Variants in ZBTB8OS observed in about 807,000 individuals in gnomAD.
ZBTB8OS encodes the protein tRNA-splicing ligase-activating factor archease.
In ZBTB8OS, 16 loss-of-function variants were observed where a neutral mutation model predicts 29.3. The ratio of observed to expected loss-of-function variants is 0.55; its 90% confidence interval spans 0.37 to 0.83. The LOEUF is 0.83. ZBTB8OS is among the 40% of genes least tolerant of loss of function. The pLI is 0.00. For synonymous variants in ZBTB8OS, 70 were observed against 64.6 expected (o/e 1.08, Z -0.40); for missense variants, 160 against 196.9 (o/e 0.81, Z 1.12).
chr1:32,632,289 G>C, intron 4 of ZBTB8OS: 1 of 153,174 alleles, frequency 6.5e-6, no homozygotes, highest in South Asian at 2.0e-4. Context: ...GATTACAGGC[G>C]TAAGCCACCG....
chr1:32,625,236 G>GAAT (rs970295836), intron 6 of ZBTB8OS, among the ~76,000 whole-genome samples: 3 of 144,532 alleles, frequency 2.1e-5, no homozygotes, highest in Non-Finnish European at 4.5e-5. Context: ...AAAAAAGAAA[G>GAAT]AATAATAATA....
chr1:32,625,424 C>T (rs1000476735), intron 6 of ZBTB8OS, among the ~76,000 whole-genome samples: 2 of 151,908 alleles, frequency 1.3e-5, no homozygotes, highest in Non-Finnish European at 2.9e-5. Context: ...ATCACAGCTA[C>T]TTGTGAGGCT....
intron 5 of ZBTB8OS, among the ~76,000 whole-genome samples, chr1:32,629,346 G>A (rs1645361206): frequency 6.6e-6 from 1 of 151,928 alleles, no homozygotes; most frequent in Non-Finnish European, 1.5e-5. Flanking sequence ...AGCCCAAAAG[G>A]TCATGGCTGC....
chr1:32,650,694 G>A, upstream of ZBTB8OS: 1 of 1,282,068 alleles, frequency 7.8e-7, no homozygotes, highest in Non-Finnish European at 1.1e-6. Context: ...CTGCCGCTTG[G>A]ATCGCATATT....
intron 6 of ZBTB8OS, 113 bp downstream of exon 6, chr1:32,627,395 G>T (rs1395007814): frequency 8.0e-5 from 75 of 940,868 alleles, no homozygotes; most frequent in Non-Finnish European, 6.8e-5. Flanking sequence ...AGAAGCTTGA[G>T]AAAAACTTAT....
intron 1 of ZBTB8OS, among the ~76,000 whole-genome samples, chr1:32,644,727 G>A (rs1386063709): frequency 5.2e-5 from 1 of 19,156 alleles, no homozygotes; most frequent in Non-Finnish European, 1.1e-4. Flanking sequence ...TTTTTTTTTT[G>A]TAGAGATGTG....
chr1:32,626,914 AATG>A (rs1329037051), intron 6 of ZBTB8OS, among the ~76,000 whole-genome samples: 1 of 152,206 alleles, frequency 6.6e-6, no homozygotes, highest in Non-Finnish European at 1.5e-5. Context: ...TACATTTGAA[AATG>A]ATAAGAAATT....
At chr1:32,633,295 G>A (rs1040249993) in intron 4 of ZBTB8OS, 4 of 187,932 alleles carry the variant, frequency 2.1e-5, no homozygotes, top group Non-Finnish European at 4.4e-5. Context: ...ATTGAGGCAG[G>A]AGGATTGCCG....
chr1:32,642,006 T>TA (rs1646450056), intron 1 of ZBTB8OS, among the ~76,000 whole-genome samples: 1 of 149,916 alleles, frequency 6.7e-6, no homozygotes, highest in South Asian at 2.2e-4. Flanking sequence ...TAAACTCTGA[T>TA]TTTTTTTTAT....
Position 32,621,797 on chromosome 1 carries a change from GTC to G in ZBTB8OS, c.*63_*64del. 1 of 1,086,430 alleles carries G rather than the reference GTC, an allele frequency of 9.2e-7. No individual in the cohort carries two copies. The highest frequency in any genetic ancestry group is 1.4e-5 in the South Asian group (1 of 72,084). The allele number at this position is 1,086,430 out of a possible 1,614,324, so 67.3% of individuals were successfully genotyped here. A position where few individuals can be genotyped will look rare whatever the true frequency, so the allele number is the denominator to read the frequency against. The stretch of plus-strand genomic sequence containing the variant: ...AAAGCTGTAGAATTTAATTCATAGT[GTC>G]TTCTCAAAAGGAAGAGGAAAACAAA... On this transcript the variant is annotated 3_prime_UTR_variant, in exon 7 of 7. Transcript: ENST00000468695.
chr1:32,643,717 G>C (rs1394428217), intron 1 of ZBTB8OS, among the ~76,000 whole-genome samples: 2 of 151,684 alleles, frequency 1.3e-5, no homozygotes, highest in Non-Finnish European at 2.9e-5. Flanking sequence ...GGCTGGTCTT[G>C]AACTCCTGAC....
intron 1 of ZBTB8OS, among the ~76,000 whole-genome samples, chr1:32,647,602 C>T (rs544771491): frequency 6.6e-6 from 1 of 152,152 alleles, no homozygotes; most frequent in Non-Finnish European, 1.5e-5. Context: ...ACATTACTGC[C>T]TGAGCTCCAC....
intron 1 of ZBTB8OS, among the ~76,000 whole-genome samples, chr1:32,643,336 G>A (rs1646579870): frequency 1.3e-5 from 2 of 151,960 alleles, no homozygotes; most frequent in Non-Finnish European, 2.9e-5. Flanking sequence ...GCCTCCCAAA[G>A]TACTGGGATT....
Position 32,633,721 on chromosome 1 carries a change from T to C in ZBTB8OS, c.251A>G (p.Asp84Gly), listed in dbSNP as rs1429688134. ...AAAGTGAAACAGAAGAGACTGTAAG[T>C]CATCTCCTACACAAGATCAAATAGT... Reference protein sequence around the residue: ...QTVEVETQGDDLQSLLFHFLD... With the variant: ...QTVEVETQGDGLQSLLFHFLD... The change falls in exon 4 of 7, where the codon GAC becomes GGC. Residue 84 changes from aspartate (D) to glycine (G), a missense_variant. Physicochemically the swap from Asp to Gly is moderately conservative, Grantham distance 94. Transcript: ENST00000468695. 6.2e-7 allele frequency: 1 copy of C among 1,603,342 alleles called. No individual in the cohort carries two copies. Among genetic ancestry groups the C allele is most frequent in the South Asian group, 1.1e-5 (1 of 88,520 alleles).
At chr1:32,622,882 A>G (rs1644850319) in intron 6 of ZBTB8OS, among the ~76,000 whole-genome samples, 1 of 152,078 alleles carries the variant, frequency 6.6e-6, no homozygotes, top group Non-Finnish European at 1.5e-5. Flanking sequence ...TAGGAATTCA[A>G]CTTATTCTCT....
intron 1 of ZBTB8OS, among the ~76,000 whole-genome samples, chr1:32,647,436 CAAAAAAA>C (rs71006349): frequency 8.2e-6 from 1 of 121,888 alleles, no homozygotes; most frequent in Admixed American, 8.3e-5. Flanking sequence ...GACTCTGTCT[CAAAAAAA>C]AAAAAAAAAG....
intron 5 of ZBTB8OS, among the ~76,000 whole-genome samples, chr1:32,628,314 G>A (rs12048058): frequency 0.04 from 5,857 of 147,528 alleles, 229 homozygotes; most frequent in East Asian, 0.12. Flanking sequence ...CCAAGATCGC[G>A]CCACTGCACT....
At chr1:32,645,273 C>T (rs975847106) in intron 1 of ZBTB8OS, among the ~76,000 whole-genome samples, 3 of 152,008 alleles carry the variant, frequency 2.0e-5, no homozygotes, top group Non-Finnish European at 2.9e-5. Flanking sequence ...CAAGGCAGGA[C>T]GATTGCTTAA....
chr1:32,630,471 T>C (rs1645461308), intron 5 of ZBTB8OS, among the ~76,000 whole-genome samples: 1 of 152,140 alleles, frequency 6.6e-6, no homozygotes, highest in Non-Finnish European at 1.5e-5. Flanking sequence ...GAGGATCACT[T>C]GAACCCAGGA....
Sources: gnomAD v4.1 joint callset for allele counts (sites outside exome capture counted in the v4.1 genomes callset) on GRCh38, gnomAD v4.1.1 for gene constraint, MANE v1.5 for transcripts, NCBI Gene and HGNC (gene_info 2026-07-23, HGNC 2026-07-21) for gene names.